RCAN2: variants seen among roughly 807,000 people sequenced by gnomAD.
RCAN2 encodes regulator of calcineurin 2.
In RCAN2, 9 loss-of-function variants were observed where a neutral mutation model predicts 23.6. The observed-to-expected ratio is 0.38, with a 90% CI of 0.23 to 0.67. The LOEUF is 0.67. Among genes scored for constraint, RCAN2 ranks in the 30% least tolerant of loss-of-function variants. RCAN2 has a pLI of 0.51. For synonymous variants in RCAN2, 109 were observed against 115.7 expected, an observed-to-expected ratio of 0.94 and a Z score of 0.37; for missense variants, 273 against 302.3, an observed-to-expected ratio of 0.90 and a Z score of 0.72.
chr6:46,474,599 G>T (rs995804817), intron 1 of RCAN2, among the ~76,000 whole-genome samples: 2 of 152,156 alleles, frequency 1.3e-5, no homozygotes, highest in Middle Eastern at 3.2e-3. Flanking sequence ...GGAAGAGACA[G>T]GTATGGATAG....
rs535487347 is a variant in RCAN2 at position 46,313,509 on chromosome 6, T to A, written c.226-64613A>T. 4.6e-5 allele frequency among the ~76,000 whole-genome samples: 7 copies of A among 152,386 alleles called. No homozygotes were observed. In the East Asian group the frequency reaches 5.8e-4, roughly 13 times the overall value. ...TCCCATAGCCTTCAACCTAAATTTG[T>A]ATCTTCTTTTTACATATAAGGAAAA... is the stretch of plus-strand genomic sequence containing the variant. On this transcript the variant is annotated intron_variant, in intron 2 of 4. Transcript: ENST00000371374.
chr6:46,466,243 A>C (rs2150438375), intron 1 of RCAN2, among the ~76,000 whole-genome samples: 1 of 152,364 alleles, frequency 6.6e-6, no homozygotes, highest in East Asian at 1.9e-4. Context: ...TATGGTAGCC[A>C]AAGTAAGATT....
intron 4 of RCAN2, among the ~76,000 whole-genome samples, chr6:46,245,050 A>G (rs1766466362): frequency 6.6e-6 from 1 of 152,226 alleles, no homozygotes; most frequent in Non-Finnish European, 1.5e-5. Context: ...CATATCACAC[A>G]TGTGGCTCTC....
rs142449900 is a variant in RCAN2, at chr6:46,468,737, C to T, written c.-2-11759G>A. 6.6e-4 allele frequency: 549 copies of T among 832,478 alleles called. 3 individuals carry two copies. The African/African-American group carries it at 9.8e-3, about 15-fold the overall frequency. 51.6% of individuals were successfully genotyped at this position (832,478 alleles called of 1,614,324 possible). A position where few individuals can be genotyped will look rare whatever the true frequency, so the allele number is the denominator to read the frequency against. Reference sequence around the variant, plus strand: ...TGTAATACCCTCAGATTCCCTCTCTCCCCTCTCTTCTCTCTCCCCACTCTT... The same window carrying T: ...TGTAATACCCTCAGATTCCCTCTCTTCCCTCTCTTCTCTCTCCCCACTCTT... On this transcript the variant is annotated intron_variant, in intron 1 of 4. Transcript: ENST00000371374.
intron 2 of RCAN2, among the ~76,000 whole-genome samples, chr6:46,406,601 A>G (rs1411116470): frequency 6.6e-6 from 1 of 152,226 alleles, no homozygotes; most frequent in Non-Finnish European, 1.5e-5. Context: ...TGTTTCTGTC[A>G]GCTCTCTTTT....
chr6:46,439,999 C>T (rs956718357), intron 2 of RCAN2, among the ~76,000 whole-genome samples: 4 of 152,082 alleles, frequency 2.6e-5, no homozygotes, highest in East Asian at 1.9e-4. Flanking sequence ...TACAACTTGA[C>T]GGAACATAAT....
chr6:46,426,037 T>C (rs1304898326), intron 2 of RCAN2, among the ~76,000 whole-genome samples: 1 of 151,870 alleles, frequency 6.6e-6, no homozygotes, highest in African/African-American at 2.4e-5. Flanking sequence ...TAGCTAGGAC[T>C]ACAGGTGCCC....
At chr6:46,460,142 C>T (rs900033401) in intron 1 of RCAN2, among the ~76,000 whole-genome samples, 1 of 151,968 alleles carries the variant, frequency 6.6e-6, no homozygotes, top group Non-Finnish European at 1.5e-5. Context: ...ACTGCAACCT[C>T]CAACTCCTGG....
intron 2 of RCAN2, among the ~76,000 whole-genome samples, chr6:46,388,150 G>GT (rs1221257602): frequency 6.6e-6 from 1 of 152,010 alleles, no homozygotes; most frequent in East Asian, 1.9e-4. Flanking sequence ...TATACCCAAT[G>GT]TAAATGACGA....
At chr6:46,273,369 G>A (rs892738158) in intron 2 of RCAN2, among the ~76,000 whole-genome samples, 3 of 152,144 alleles carry the variant, frequency 2.0e-5, no homozygotes, top group African/African-American at 7.2e-5. Flanking sequence ...TTAACATTAT[G>A]GTGTTTGCGT....
At chr6:46,289,276 G>A (rs1314444568) in intron 2 of RCAN2, among the ~76,000 whole-genome samples, 14 of 152,188 alleles carry the variant, frequency 9.2e-5, no homozygotes, top group Admixed American at 2.6e-4. Flanking sequence ...TGAGAACACA[G>A]CCTATGGTGA....
intron 2 of RCAN2, among the ~76,000 whole-genome samples, chr6:46,265,056 C>T (rs1448197116): frequency 6.6e-6 from 1 of 152,144 alleles, no homozygotes; most frequent in African/African-American, 2.4e-5. Context: ...GTGCATCTCA[C>T]CCAGTGGGAT....
rs949770872 is a variant in RCAN2, at chr6:46,367,040, T to C, written c.225+89712A>G. 5.6e-4 allele frequency among the ~76,000 whole-genome samples: 69 copies of C among 123,680 alleles called. 5 individuals carry two copies. The highest frequency in any genetic ancestry group is 1.9e-3 in the African/African-American group (67 of 35,650). 81.1% of individuals were successfully genotyped at this position (123,680 alleles called of 152,430 possible). On this transcript the variant is annotated intron_variant, in intron 2 of 4. Transcript: ENST00000371374. ...TGGGATGGATATATATATATATATA[T>C]ATATATATATATATCCTAGCTGATG...
intron 2 of RCAN2, among the ~76,000 whole-genome samples, chr6:46,353,882 T>A (rs796914154): frequency 6.6e-6 from 1 of 152,322 alleles, no homozygotes; most frequent in African/African-American, 2.4e-5. Context: ...GTTATCAGGC[T>A]TTAAGACCTA....
intron 2 of RCAN2, among the ~76,000 whole-genome samples, chr6:46,295,326 C>A (rs1371433793): frequency 6.6e-6 from 1 of 152,008 alleles, no homozygotes. Context: ...AAACCTGAAG[C>A]CACTTTGGTA....
chr6:46,314,751 T>A (rs16874574), intron 2 of RCAN2, among the ~76,000 whole-genome samples: 1 of 152,232 alleles, frequency 6.6e-6, no homozygotes, highest in East Asian at 1.9e-4. Flanking sequence ...TTTTCCTTCA[T>A]GGGCATCTTG....
At chr6:46,245,867 C>T (rs1199486721) in intron 4 of RCAN2, among the ~76,000 whole-genome samples, 3 of 152,234 alleles carry the variant, frequency 2.0e-5, no homozygotes, top group South Asian at 4.2e-4. Context: ...CATTAGTTAC[C>T]ACTCAATTCA....
At chr6:46,279,272 A>C (rs1163980812) in intron 2 of RCAN2, among the ~76,000 whole-genome samples, 3 of 152,176 alleles carry the variant, frequency 2.0e-5, no homozygotes, top group African/African-American at 7.2e-5. Flanking sequence ...AACCTGATGG[A>C]CATTTGTGGG....
At chr6:46,394,198 G>A (rs1300904122) in intron 2 of RCAN2, among the ~76,000 whole-genome samples, 1 of 152,186 alleles carries the variant, frequency 6.6e-6, no homozygotes, top group African/African-American at 2.4e-5. Flanking sequence ...GTCATTAACA[G>A]TGATCAGATT....
Sources: gnomAD v4.1 joint callset for allele counts (sites outside exome capture counted in the v4.1 genomes callset) on GRCh38, gnomAD v4.1.1 for gene constraint, MANE v1.5 for transcripts, NCBI Gene and HGNC (gene_info 2026-07-23, HGNC 2026-07-21) for gene names.